Variants in MED27 observed in about 807,000 individuals in gnomAD.
The protein encoded by MED27 is mediator of RNA polymerase II transcription subunit 27.
In MED27, 30 loss-of-function variants were observed where a neutral mutation model predicts 38.2. That is an observed-to-expected ratio of 0.79 (90% confidence interval 0.59 to 1.07). MED27 has a LOEUF of 1.07. MED27 is among the 50% of genes least tolerant of loss of function. The pLI, the probability that MED27 is intolerant of heterozygous loss-of-function variation, is 0.00. For synonymous variants in MED27, 122 were observed against 153.5 expected (o/e 0.79, Z 1.52); for missense variants, 289 against 397.5 (o/e 0.73, Z 2.32).
chr9:131,955,937 T>C (rs944293475), intron 3 of MED27, among the ~76,000 whole-genome samples: 4 of 152,082 alleles, frequency 2.6e-5, no homozygotes, highest in Non-Finnish European at 4.4e-5. Flanking sequence ...AAAAGAAAGT[T>C]ATAGACAATA....
chr9:131,997,795 G>A lies in MED27; in HGVS notation c.479+16542C>T, dbSNP rs1832124156. On this transcript the variant is annotated intron_variant, in intron 3 of 7. Coordinates refer to ENST00000292035, the MANE Select transcript of MED27 (RefSeq NM_004269.4). This position sits in a 1 kb window ranked among gnomAD's most constrained non-coding sequence, Gnocchi z 4.0. ...CGGTGTTGGCCTCTGTAAAGCTGAG[G>A]CAAGTAACGGTACCTCTCAAAGGAC... Among the ~76,000 whole-genome samples, 1 of 152,174 alleles carries A rather than the reference G, an allele frequency of 6.6e-6. No individual in the cohort carries two copies. Among genetic ancestry groups the A allele is most frequent in the Admixed American group, 6.5e-5 (1 of 15,286 alleles).
At chr9:131,947,350 G>A (rs1246011507) in intron 3 of MED27, among the ~76,000 whole-genome samples, 1 of 152,142 alleles carries the variant, frequency 6.6e-6, no homozygotes, top group Non-Finnish European at 1.5e-5. Flanking sequence ...CCCTGCATGT[G>A]TTTTAGTAGA....
intron 2 of MED27, among the ~76,000 whole-genome samples, chr9:132,065,978 G>A (rs1833801062): frequency 6.6e-6 from 1 of 152,224 alleles, no homozygotes; most frequent in African/African-American, 2.4e-5. Context: ...GAGATGTGAT[G>A]CCCAACCTGG....
chr9:131,875,903 C>A (rs892399634), intron 6 of MED27, among the ~76,000 whole-genome samples: 1 of 152,232 alleles, frequency 6.6e-6, no homozygotes, highest in African/African-American at 2.4e-5. Context: ...ACCCACGCGC[C>A]CGGCTGCGTC....
At chr9:132,022,557 A>G (rs1237509045) in intron 2 of MED27, among the ~76,000 whole-genome samples, 6 of 152,230 alleles carry the variant, frequency 3.9e-5, no homozygotes, top group Non-Finnish European at 8.8e-5. Flanking sequence ...TACAAAAATC[A>G]ACATCAGTGA....
intron 2 of MED27, among the ~76,000 whole-genome samples, chr9:132,069,707 A>G (rs955983237): frequency 6.6e-6 from 1 of 152,234 alleles, no homozygotes; most frequent in Non-Finnish European, 1.5e-5. Context: ...CAGAAATGCA[A>G]TGATGACTCC....
chr9:131,959,510 T>TACAGAGGG (rs1831170932), intron 3 of MED27, among the ~76,000 whole-genome samples: 2 of 152,158 alleles, frequency 1.3e-5, no homozygotes, highest in African/African-American at 2.4e-5. Flanking sequence ...ATCCTGGCCC[T>TACAGAGGG]CCTCCTTGTA....
rs1028383068 is a variant in MED27, at chr9:131,883,759, C to T, written c.723+299G>A. ...AGTCCTGAGTTTTGACAAACATGTA[C>T]GGCTGTGTAACACCGCCACAATTAA... On this transcript the variant is annotated intron_variant, in intron 6 of 7. Coordinates refer to ENST00000292035, the MANE Select transcript of MED27 (RefSeq NM_004269.4). This position sits in a 1 kb window ranked among gnomAD's most constrained non-coding sequence, Gnocchi z 4.2. Among the ~76,000 whole-genome samples, 1 of 152,166 alleles carries T rather than the reference C, an allele frequency of 6.6e-6. No homozygotes were observed. Among genetic ancestry groups the T allele is most frequent in the Non-Finnish European group, 1.5e-5 (1 of 68,032 alleles).
chr9:132,039,225 T>A (rs1480305563), intron 2 of MED27, among the ~76,000 whole-genome samples: 1 of 152,146 alleles, frequency 6.6e-6, no homozygotes, highest in Non-Finnish European at 1.5e-5. Context: ...TTTAACTTTA[T>A]CATCAAACCT....
chr9:131,862,905 C>T lies in MED27; in HGVS notation c.801+158G>A, dbSNP rs1038158924. 2.6e-5 allele frequency among the ~76,000 whole-genome samples: 4 copies of T among 152,200 alleles called. No homozygotes were observed. Among genetic ancestry groups the T allele is most frequent in the South Asian group, 2.1e-4 (1 of 4,824 alleles). On this transcript the variant is annotated intron_variant, in intron 7 of 7. Coordinates refer to ENST00000292035, the MANE Select transcript of MED27 (RefSeq NM_004269.4). This position sits in a 1 kb window ranked among gnomAD's most constrained non-coding sequence, Gnocchi z 4.6. ...GGAAGTGGTTTCTCCCAGATCCCTT[C>T]GCAGTTTAAAGAAAGTAGCAGTTTT... is the stretch of plus-strand genomic sequence containing the variant.
chr9:132,063,630 G>A (rs182634890), intron 2 of MED27, among the ~76,000 whole-genome samples: 1 of 152,286 alleles, frequency 6.6e-6, no homozygotes, highest in East Asian at 1.9e-4. Context: ...GGGGAATGTT[G>A]GCCTCCATAA....
At chr9:131,987,071 A>G (rs1391366245) in intron 3 of MED27, among the ~76,000 whole-genome samples, 1 of 142,222 alleles carries the variant, frequency 7.0e-6, no homozygotes, top group Non-Finnish European at 1.5e-5. Flanking sequence ...TTCAGTATAA[A>G]ATTATTGGGT....
chr9:132,009,534 C>T (rs551641997), intron 3 of MED27, among the ~76,000 whole-genome samples: 2 of 152,194 alleles, frequency 1.3e-5, no homozygotes, highest in Non-Finnish European at 1.5e-5. Context: ...AAGCAGCCTG[C>T]GGAGAGGCCT....
intron 3 of MED27, among the ~76,000 whole-genome samples, chr9:132,009,880 T>A (rs1163669588): frequency 6.6e-6 from 1 of 152,226 alleles, no homozygotes; most frequent in Non-Finnish European, 1.5e-5. Flanking sequence ...AGTTTATAGT[T>A]ATGTTGTGCT....
At chr9:131,988,639 C>CT (rs998472423) in intron 3 of MED27, among the ~76,000 whole-genome samples, 33 of 151,760 alleles carry the variant, frequency 2.2e-4, no homozygotes, top group Admixed American at 2.1e-3. Context: ...AACTACTTTG[C>CT]TTTTTTTTGC....
At chr9:131,892,916 A>G (rs1839252734) in intron 5 of MED27, among the ~76,000 whole-genome samples, 1 of 152,228 alleles carries the variant, frequency 6.6e-6, no homozygotes, top group Non-Finnish European at 1.5e-5. Context: ...CAGTCCTTGG[A>G]GCAGGAGTTG....
intron 2 of MED27, chr9:132,073,593 C>T (rs1833987033): frequency 1.4e-6 from 2 of 1,405,236 alleles, no homozygotes; most frequent in Non-Finnish European, 1.8e-6. Flanking sequence ...CAGAAAAGAG[C>T]ACCTTCAGAG....
At chr9:131,904,689 C>T (rs949000088) in intron 4 of MED27, among the ~76,000 whole-genome samples, 1 of 152,048 alleles carries the variant, frequency 6.6e-6, no homozygotes, top group African/African-American at 2.4e-5. Flanking sequence ...TAGCTTATTC[C>T]ACTCACGAGT....
intron 2 of MED27, among the ~76,000 whole-genome samples, chr9:132,060,949 AAACAACAAC>A (rs796844443): frequency 6.6e-6 from 1 of 152,094 alleles, no homozygotes; most frequent in Non-Finnish European, 1.5e-5. Context: ...ACTCCATCTC[AAACAACAAC>A]AACAACAACA....
Sources: gnomAD v4.1 joint callset for allele counts (sites outside exome capture counted in the v4.1 genomes callset) on GRCh38, gnomAD v4.1.1 for gene constraint, Gnocchi (gnomAD v3.1) non-coding constraint, MANE v1.5 for transcripts, NCBI Gene and HGNC (gene_info 2026-07-23, HGNC 2026-07-21) for gene names.